The following GTF2IRD1 variants were observed in gnomAD, a reference collection of about 807,000 sequenced individuals.
The protein encoded by GTF2IRD1 is general transcription factor II-I repeat domain-containing protein 1.
Under a neutral mutation model 113.2 loss-of-function variants are expected in GTF2IRD1, and 26 were observed. That is an observed-to-expected ratio of 0.23 (90% confidence interval 0.17 to 0.32). The LOEUF (loss-of-function observed/expected upper bound fraction) is 0.32, where lower values mean the gene tolerates loss of function less well. GTF2IRD1 is among the 10% of genes least tolerant of loss of function. GTF2IRD1 has a pLI of 1.00. For synonymous variants in GTF2IRD1, 484 were observed against 529.1 expected (o/e 0.91, Z 1.17); for missense variants, 864 against 1,280.8 (o/e 0.67, Z 4.97).
chr7:74,530,274 G>T (rs908032652), intron 9 of GTF2IRD1, among the ~76,000 whole-genome samples: 1 of 152,050 alleles, frequency 6.6e-6, no homozygotes, highest in Non-Finnish European at 1.5e-5. Flanking sequence ...CTTGGGCTCC[G>T]GGTTTTGGGG....
At chr7:74,545,448 ACT>A (rs1246967057) in intron 15 of GTF2IRD1, among the ~76,000 whole-genome samples, 18 of 151,872 alleles carry the variant, frequency 1.2e-4, no homozygotes, top group African/African-American at 4.4e-4. Context: ...CACATGCTAC[ACT>A]CAGTCACATA....
chr7:74,504,901 T>A (rs1796224738), intron 1 of GTF2IRD1, among the ~76,000 whole-genome samples: 1 of 151,752 alleles, frequency 6.6e-6, no homozygotes, highest in Non-Finnish European at 1.5e-5. Context: ...AGAGACGGGG[T>A]TTCACCATGT....
At chr7:74,471,501 C>T (rs782271132) in intron 1 of GTF2IRD1, among the ~76,000 whole-genome samples, 4 of 151,558 alleles carry the variant, frequency 2.6e-5, no homozygotes, top group Non-Finnish European at 5.9e-5. Flanking sequence ...AGAGCGAGAC[C>T]CCATCTCTAC....
At chr7:74,466,708 C>T (rs1364213942) in intron 1 of GTF2IRD1, among the ~76,000 whole-genome samples, 1 of 152,082 alleles carries the variant, frequency 6.6e-6, no homozygotes, top group African/African-American at 2.4e-5. Flanking sequence ...TTGTCTGTGT[C>T]CCCAGCCACA....
At chr7:74,495,356 C>T (rs1301047924) in intron 1 of GTF2IRD1, among the ~76,000 whole-genome samples, 2 of 152,206 alleles carry the variant, frequency 1.3e-5, no homozygotes, top group Non-Finnish European at 2.9e-5. Flanking sequence ...CGGCGTTCTG[C>T]TCCACTCCTG....
At chr7:74,559,249 AC>A (rs1218764732) in intron 21 of GTF2IRD1, among the ~76,000 whole-genome samples, 1 of 151,626 alleles carries the variant, frequency 6.6e-6, no homozygotes, top group African/African-American at 2.4e-5. Flanking sequence ...GGGACTGGTC[AC>A]CCCCCCATGG....
chr7:74,556,958 G>A (rs1300961199), intron 19 of GTF2IRD1, among the ~76,000 whole-genome samples: 1 of 151,944 alleles, frequency 6.6e-6, no homozygotes, highest in Non-Finnish European at 1.5e-5. Flanking sequence ...CTTTCTGGGT[G>A]AGGGTGTCTT....
chr7:74,576,905 G>A (rs1272748243), intron 22 of GTF2IRD1, among the ~76,000 whole-genome samples: 2 of 152,166 alleles, frequency 1.3e-5, no homozygotes, highest in African/African-American at 4.8e-5. Flanking sequence ...ACAGGTGTGA[G>A]CCACTGAGCA....
At chr7:74,578,597 C>T (rs1243293302) in intron 22 of GTF2IRD1, among the ~76,000 whole-genome samples, 1 of 152,168 alleles carries the variant, frequency 6.6e-6, no homozygotes, top group Non-Finnish European at 1.5e-5. Flanking sequence ...GTTCTCATGG[C>T]TCTATAATCT....
At chr7:74,477,013 C>T (rs1416772077) in intron 1 of GTF2IRD1, among the ~76,000 whole-genome samples, 2 of 152,060 alleles carry the variant, frequency 1.3e-5, no homozygotes, top group African/African-American at 4.8e-5. Flanking sequence ...AGGGAAGCCT[C>T]TGGAATGGGG....
intron 1 of GTF2IRD1, among the ~76,000 whole-genome samples, chr7:74,484,351 A>G (rs1346915474): frequency 6.6e-6 from 1 of 151,914 alleles, no homozygotes; most frequent in Non-Finnish European, 1.5e-5. Context: ...GTGTGACCTC[A>G]GCTCACTGCA....
At position 74,515,044 on chromosome 7, in the gene GTF2IRD1, G is replaced by A. The variant is rs181160656; in HGVS notation, c.266-397G>A. On this transcript the variant is annotated intron_variant, in intron 3 of 26. Transcript: ENST00000424337. ...TGCACTCCAGCCTGGGCAACAGAGC[G>A]AGACTCTGTCTCAAAAAAAAAAAAA... is the stretch of plus-strand genomic sequence containing the variant. Among the ~76,000 whole-genome samples, 1,204 of 132,848 alleles carry A rather than the reference G, an allele frequency of 9.1e-3. 22 individuals are homozygous for A. The highest frequency in any genetic ancestry group is 0.034 in the African/African-American group (1,142 of 33,924). 87.2% of individuals were successfully genotyped at this position (132,848 alleles called of 152,430 possible).
In GTF2IRD1 at chr7:74,518,352, CTGGGGCTGGGCCAGGGCCGGGT is replaced by C. The variant is rs587649448; in HGVS notation, c.605+31_605+52del. 3,078 of 1,544,436 alleles carry C rather than the reference CTGGGGCTGGGCCAGGGCCGGGT, an allele frequency of 2.0e-3. 61 individuals are homozygous for C. The African/African-American group carries it at 0.036, about 18-fold the overall frequency. ...GTGAGGTAGCCGGCCCGGGGCTGGG[CTGGGGCTGGGCCAGGGCCGGGT>C]CAGGGCCGGGGGCTGGAGGCCACTT... is the stretch of plus-strand genomic sequence containing the variant. On this transcript the variant is annotated intron_variant, in intron 5 of 26. Coordinates refer to ENST00000424337, the MANE Select transcript of GTF2IRD1 (RefSeq NM_005685.4).
chr7:74,468,661 CA>C (rs563484086), intron 1 of GTF2IRD1, among the ~76,000 whole-genome samples: 42 of 81,564 alleles, frequency 5.1e-4, no homozygotes, highest in East Asian at 1.2e-3. Flanking sequence ...ACTCCATCTC[CA>C]AAAAAAAAAA....
At chr7:74,570,215 T>C (rs1554362194) in intron 22 of GTF2IRD1, among the ~76,000 whole-genome samples, 1 of 150,616 alleles carries the variant, frequency 6.6e-6, no homozygotes, top group Admixed American at 6.6e-5. Flanking sequence ...ATACAAAAAT[T>C]AGCCAGGCAT....
chr7:74,508,135 C>T lies in GTF2IRD1; in HGVS notation c.55C>T (p.Arg19Cys), dbSNP rs139144176. The T allele has an allele frequency of 1.2e-5, 19 of 1,611,878 alleles. No homozygotes were observed. The highest frequency in any genetic ancestry group is 2.2e-5 in the East Asian group (1 of 44,884). ...DVPTNGCGPD[R>C]WNSAFTRKDE... ...CCCCACCAACGGCTGCGGACCCGAC[C>T]GCTGGAACTCCGCGTTCACCCGCAA... Residue 19 changes from arginine to cysteine, a missense_variant, in exon 2 of 27, where the codon CGC (arginine) becomes TGC (cysteine). Transcript: ENST00000424337.
intron 22 of GTF2IRD1, among the ~76,000 whole-genome samples, chr7:74,579,543 G>A (rs141836157): frequency 0.014 from 2,111 of 151,572 alleles, 107 homozygotes; most frequent in Admixed American, 0.084. Flanking sequence ...GCTGGAACCT[G>A]GGAGGCGGAG....
At chr7:74,573,531 C>T (rs1280236943) in intron 22 of GTF2IRD1, among the ~76,000 whole-genome samples, 2 of 152,002 alleles carry the variant, frequency 1.3e-5, no homozygotes, top group African/African-American at 2.4e-5. Context: ...CTTTCCCCAG[C>T]GAAGACCACC....
At chr7:74,517,220 C>G (rs1205052936) in intron 4 of GTF2IRD1, among the ~76,000 whole-genome samples, 1 of 151,690 alleles carries the variant, frequency 6.6e-6, no homozygotes, top group Non-Finnish European at 1.5e-5. Context: ...GACGGGGTTT[C>G]ACCATGTTGG....
Sources: gnomAD v4.1 joint callset for allele counts (sites outside exome capture counted in the v4.1 genomes callset) on GRCh38, gnomAD v4.1.1 for gene constraint, MANE v1.5 for transcripts, NCBI Gene and HGNC (gene_info 2026-07-23, HGNC 2026-07-21) for gene names.